Variants in PTPRZ1 observed in about 807,000 individuals in gnomAD.
The protein encoded by PTPRZ1 is protein tyrosine phosphatase receptor type Z1.
PTPRZ1 carries 82 observed loss-of-function variants against 214.1 expected under a neutral mutation model. That is an observed-to-expected ratio of 0.38 (90% CI 0.32 to 0.46). The LOEUF (loss-of-function observed/expected upper bound fraction) is 0.46. Among genes scored for constraint, PTPRZ1 ranks in the 20% least tolerant of loss-of-function variants. The pLI is 1.00. For missense variants in PTPRZ1, 2,603 were observed against 2,748.7 expected, an observed-to-expected ratio of 0.95 and a Z score of 1.19; for synonymous variants, 945 against 987.9, an observed-to-expected ratio of 0.96 and a Z score of 0.81.
At position 122,011,134 on chromosome 7, in the gene PTPRZ1, C is replaced by T. The variant is rs1798648175; in HGVS notation, c.2088C>T (p.Gly696=). Residue 696 remains glycine, a synonymous_variant, in exon 12 of 30, where the codon GGC becomes GGT. Transcript: ENST00000393386. ...AGACAACCAAGTCCTTTTCTGCAGG[C>T]CCAGTGATGTCACAGGGTCCCTCAG... ...SEKTTKSFSA[G]PVMSQGPSVT... is the part of the protein sequence containing the mutation. 6.2e-7 allele frequency: 1 copy of T among 1,613,992 alleles called. No homozygotes were observed. The highest frequency in any genetic ancestry group is 8.5e-7 in the Non-Finnish European group (1 of 1,180,000).
At chr7:122,000,507 G>A (rs951951907) in intron 10 of PTPRZ1, among the ~76,000 whole-genome samples, 10 of 150,480 alleles carry the variant, frequency 6.6e-5, no homozygotes, top group Admixed American at 6.6e-4. Context: ...TTATTAGCTT[G>A]GTAACTGTAA....
chr7:121,972,822 A>G, intron 4 of PTPRZ1, 130 bp downstream of exon 4: 1 of 784,486 alleles, frequency 1.3e-6, no homozygotes, highest in East Asian at 3.1e-5. Context: ...TACTTGATTA[A>G]TATACTAGAC....
At chr7:121,978,814 AC>A (rs1797518301) in intron 6 of PTPRZ1, among the ~76,000 whole-genome samples, 1 of 152,140 alleles carries the variant, frequency 6.6e-6, no homozygotes, top group South Asian at 2.1e-4. Flanking sequence ...AAGGACAACT[AC>A]CCAAACCAAA....
At chr7:121,992,331 T>G (rs1797992613) in intron 8 of PTPRZ1, among the ~76,000 whole-genome samples, 1 of 152,208 alleles carries the variant, frequency 6.6e-6, no homozygotes, top group Admixed American at 6.5e-5. Flanking sequence ...TTAACAAAGA[T>G]TTGTCACAGC....
chr7:121,886,424 A>G (rs1300772236), intron 1 of PTPRZ1, among the ~76,000 whole-genome samples: 1 of 151,582 alleles, frequency 6.6e-6, no homozygotes, highest in Admixed American at 6.6e-5. Context: ...ACGTTAGTTC[A>G]TCAAAAACAC....
intron 2 of PTPRZ1, among the ~76,000 whole-genome samples, chr7:121,950,586 C>T (rs1301750692): frequency 2.6e-5 from 4 of 152,152 alleles, no homozygotes; most frequent in Non-Finnish European, 4.4e-5. Context: ...AGTAGCCCTG[C>T]CCTGCCTTAG....
At chr7:121,881,226 A>G (rs1794228147) in intron 1 of PTPRZ1, among the ~76,000 whole-genome samples, 2 of 152,216 alleles carry the variant, frequency 1.3e-5, no homozygotes, top group Non-Finnish European at 2.9e-5. Flanking sequence ...TGCAATCCAG[A>G]AAGAGAGCCC....
Position 122,040,951 on chromosome 7 carries a change from G to A in PTPRZ1, c.5773G>A (p.Ala1925Thr). The change falls in exon 21 of 30, where the codon GCA becomes ACA. Residue 1925 changes from alanine to threonine, a missense_variant. By Grantham distance (58) the Ala-to-Thr change is moderately conservative (BLOSUM62 0). Around this residue, in one of 6 missense-constraint regions of PTPRZ1, gnomAD observed 1,913 missense variants for 1,914.3 expected, o/e 1.00. Transcript: ENST00000393386. ...AAAGGCAGCCTATGCCAAGCGCCAT[G>A]CAGTGGGGCCTGTTGTCGTCCACTG... ...VRKAAYAKRH[A>T]VGPVVVHCSA... 1 of 1,585,196 alleles carries A rather than the reference G, an allele frequency of 6.3e-7. No individual in the cohort carries two copies. Among genetic ancestry groups the A allele is most frequent in the Non-Finnish European group, 8.6e-7 (1 of 1,159,132 alleles).
chr7:122,039,616 C>A, intron 20 of PTPRZ1, 28 bp downstream of exon 20: 3 of 1,608,408 alleles, frequency 1.9e-6, no homozygotes, highest in South Asian at 1.1e-5. Context: ...TGGGCATAAT[C>A]AAGTGAACAA....
intron 8 of PTPRZ1, among the ~76,000 whole-genome samples, chr7:121,986,153 G>A (rs755231584): frequency 9.2e-5 from 14 of 152,196 alleles, no homozygotes; most frequent in Non-Finnish European, 2.1e-4. Flanking sequence ...AATAGCTACT[G>A]TGTATTGTGT....
intron 2 of PTPRZ1, among the ~76,000 whole-genome samples, chr7:121,964,039 C>A (rs545301420): frequency 2.2e-4 from 33 of 152,208 alleles, no homozygotes; most frequent in Non-Finnish European, 3.2e-4. Context: ...CAAATGAGAC[C>A]TACAGCTGAG....
chr7:122,029,590 A>G (rs1054180135), intron 14 of PTPRZ1, among the ~76,000 whole-genome samples: 1 of 151,958 alleles, frequency 6.6e-6, no homozygotes, highest in African/African-American at 2.4e-5. Flanking sequence ...CACAGATGGC[A>G]CTTTTTAAAT....
intron 5 of PTPRZ1, 70 bp downstream of exon 5, chr7:121,976,338 A>C: frequency 3.9e-5 from 38 of 971,760 alleles, no homozygotes; most frequent in Middle Eastern, 3.5e-4. Flanking sequence ...GTGAAATATC[A>C]AGACATAGTT....
At chr7:121,941,943 C>T (rs1214828326) in intron 2 of PTPRZ1, among the ~76,000 whole-genome samples, 4 of 152,186 alleles carry the variant, frequency 2.6e-5, no homozygotes, top group African/African-American at 9.7e-5. Flanking sequence ...CAGGATTCCA[C>T]TGAGGGCACT....
chr7:121,978,476 G>A (rs879671071), intron 6 of PTPRZ1, among the ~76,000 whole-genome samples: 1 of 152,146 alleles, frequency 6.6e-6, no homozygotes, highest in Non-Finnish European at 1.5e-5. Flanking sequence ...TGTATTACAT[G>A]GCAGCATGAG....
Position 122,028,476 on chromosome 7 carries a change from A to C in PTPRZ1, c.4989-76A>C, listed in dbSNP as rs1799273177. On this transcript the variant is annotated intron_variant, in intron 13 of 29. Transcript: ENST00000393386. Reference sequence around the variant, plus strand: ...GTTTTAATTCTGGAGATTTCTATCAAAATTTTCAAGCAGCTCAGAAATTGT... The same window carrying C: ...GTTTTAATTCTGGAGATTTCTATCACAATTTTCAAGCAGCTCAGAAATTGT... The C allele has an allele frequency of 6.1e-6, 7 of 1,151,536 alleles. No homozygotes were observed. In the East Asian group the frequency reaches 1.7e-4, roughly 28 times the overall value. The allele number at this position is 1,151,536 out of a possible 1,614,324, so 71.3% of individuals were successfully genotyped here.
chr7:121,928,106 T>G, intron 1 of PTPRZ1, 50 bp from the exon 2 acceptor site: 2 of 1,320,804 alleles, frequency 1.5e-6, no homozygotes, highest in Non-Finnish European at 2.2e-6. Flanking sequence ...CTTTTATTTT[T>G]GGACATATAT....
chr7:121,879,127 T>C (rs562839454), intron 1 of PTPRZ1, among the ~76,000 whole-genome samples: 1 of 152,338 alleles, frequency 6.6e-6, no homozygotes, highest in South Asian at 2.1e-4. Flanking sequence ...TGTACAAGCA[T>C]TACATAGATC....
intron 18 of PTPRZ1, 31 bp from the exon 19 acceptor site, chr7:122,038,724 A>G (rs1350381058): frequency 8.7e-6 from 14 of 1,606,102 alleles, no homozygotes; most frequent in Non-Finnish European, 1.2e-5. Flanking sequence ...TAAATCAGTT[A>G]GTAGGAAACA....
Sources: gnomAD v4.1 joint callset for allele counts (sites outside exome capture counted in the v4.1 genomes callset) on GRCh38, gnomAD v4.1.1 for gene constraint, gnomAD v4.1.1 regional missense constraint, MANE v1.5 for transcripts, NCBI Gene and HGNC (gene_info 2026-07-23, HGNC 2026-07-21) for gene names.